The following ZNF385D variants were observed in gnomAD, a reference collection of about 807,000 sequenced individuals.
The protein encoded by ZNF385D is zinc finger protein 659.
In ZNF385D, 15 loss-of-function variants were observed where a neutral mutation model predicts 35.8. The observed-to-expected ratio is 0.42, with a 90% confidence interval of 0.28 to 0.64. The LOEUF (loss-of-function observed/expected upper bound fraction) is 0.64. Ranked by LOEUF, ZNF385D falls within the 30% of genes least tolerant of loss-of-function variation. The probability of loss-of-function intolerance (pLI) is 0.23; values close to 1 mark genes in which losing one functional copy is unlikely to be tolerated. For missense variants in ZNF385D, 474 were observed against 494.6 expected (o/e 0.96, Z 0.39); for synonymous variants, 212 against 186.8 (o/e 1.13, Z -1.10).
intron 3 of ZNF385D, among the ~76,000 whole-genome samples, chr3:22,057,565 T>C (rs912413517): frequency 1.3e-5 from 2 of 151,576 alleles, no homozygotes; most frequent in Non-Finnish European, 2.9e-5. Flanking sequence ...GCTGGAGTGC[T>C]GTGGTGTGAT....
At chr3:22,371,584 T>G (rs1696907005) in intron 2 of ZNF385D, among the ~76,000 whole-genome samples, 1 of 152,190 alleles carries the variant, frequency 6.6e-6, no homozygotes, top group Non-Finnish European at 1.5e-5. Context: ...GATCTGGAAT[T>G]GGGCATTTCA....
At chr3:22,116,422 A>G (rs927768960) in intron 3 of ZNF385D, among the ~76,000 whole-genome samples, 14 of 152,064 alleles carry the variant, frequency 9.2e-5, no homozygotes, top group African/African-American at 3.4e-4. Context: ...CATTACCTGC[A>G]TGAATGAATG....
chr3:22,030,302 T>TAA (rs3047003), intron 3 of ZNF385D, among the ~76,000 whole-genome samples: 1 of 95,922 alleles, frequency 1.0e-5, no homozygotes, highest in African/African-American at 4.0e-5. Context: ...TATATATATA[T>TAA]CCTATTTGGT....
chr3:21,809,285 G>A (rs1463131237), intron 3 of ZNF385D, among the ~76,000 whole-genome samples: 1 of 151,974 alleles, frequency 6.6e-6, no homozygotes, highest in African/African-American at 2.4e-5. Context: ...GAGCTTTCAA[G>A]AATGGAAAAA....
At chr3:21,978,185 T>C (rs529904999) in intron 3 of ZNF385D, 5 of 152,360 alleles carry the variant, frequency 3.3e-5, no homozygotes, top group South Asian at 2.1e-4. Context: ...TGCTGCTTTA[T>C]TGCTCTTTAC....
chr3:22,005,873 A>C (rs879490256), intron 3 of ZNF385D, among the ~76,000 whole-genome samples: 1 of 152,114 alleles, frequency 6.6e-6, no homozygotes, highest in Non-Finnish European at 1.5e-5. Flanking sequence ...TAAAAGGAAC[A>C]GGAAAATATA....
intron 3 of ZNF385D, among the ~76,000 whole-genome samples, chr3:21,999,448 C>G (rs1265362522): frequency 6.6e-6 from 1 of 151,884 alleles, no homozygotes; most frequent in Non-Finnish European, 1.5e-5. Flanking sequence ...TAAAATTCTT[C>G]AAAATTAAGA....
Position 22,215,041 on chromosome 3 carries a change from C to A in ZNF385D, c.107-46006G>T, listed in dbSNP as rs191755742. ...AGACACCCAGCTTTACAATTTCTCT[C>A]TTTTGTACTCTGTCCCTTTATTTCT... is the stretch of plus-strand genomic sequence containing the variant. On this transcript the variant is annotated intron_variant, in intron 2 of 5. Coordinates refer to the ZNF385D transcript ENST00000494108. Among the ~76,000 whole-genome samples, 214 of 152,122 alleles carry A rather than the reference C, an allele frequency of 1.4e-3. 3 individuals carry two copies. Among genetic ancestry groups the A allele is most frequent in the Admixed American group, 5.5e-3 (84 of 15,242 alleles).
At chr3:22,063,899 G>A (rs376640674) in intron 3 of ZNF385D, among the ~76,000 whole-genome samples, 51 of 152,284 alleles carry the variant, frequency 3.3e-4, no homozygotes, top group African/African-American at 1.2e-3. Flanking sequence ...TTGACAGCAG[G>A]ACACCTTGAT....
intron 3 of ZNF385D, among the ~76,000 whole-genome samples, chr3:22,149,635 G>T (rs936609984): frequency 6.6e-6 from 1 of 152,076 alleles, no homozygotes; most frequent in African/African-American, 2.4e-5. Flanking sequence ...TCAACTACTT[G>T]GGTCCATATC....
At chr3:22,299,349 A>G (rs1364757943) in intron 2 of ZNF385D, among the ~76,000 whole-genome samples, 1 of 151,828 alleles carries the variant, frequency 6.6e-6, no homozygotes, top group African/African-American at 2.4e-5. Context: ...TTGTAACTTT[A>G]CTCTAGGCCC....
At chr3:22,018,674 G>C (rs1697030184) in intron 3 of ZNF385D, among the ~76,000 whole-genome samples, 2 of 151,936 alleles carry the variant, frequency 1.3e-5, no homozygotes, top group African/African-American at 2.4e-5. Context: ...CCTCCTCTTT[G>C]TTATGTTGAC....
At chr3:21,699,849 G>C (rs1393683153) in intron 1 of ZNF385D, among the ~76,000 whole-genome samples, 1 of 13,848 alleles carries the variant, frequency 7.2e-5, no homozygotes, top group East Asian at 1.7e-3. Context: ...TTTTTTTTTT[G>C]AGACAAGAGT....
chr3:21,821,634 T>A (rs917852366), intron 3 of ZNF385D, among the ~76,000 whole-genome samples: 1 of 151,952 alleles, frequency 6.6e-6, no homozygotes, highest in Non-Finnish European at 1.5e-5. Flanking sequence ...ACCAGAAAAA[T>A]GTAAATTAAA....
intron 3 of ZNF385D, among the ~76,000 whole-genome samples, chr3:21,893,079 G>A (rs952276324): frequency 7.9e-5 from 12 of 152,230 alleles, no homozygotes; most frequent in African/African-American, 2.6e-4. Flanking sequence ...TAGCCTGAAT[G>A]GTGGCTGTAA....
At chr3:21,816,722 A>T (rs576522014) in intron 3 of ZNF385D, among the ~76,000 whole-genome samples, 1 of 152,144 alleles carries the variant, frequency 6.6e-6, no homozygotes, top group Admixed American at 6.5e-5. Flanking sequence ...ATGCTCATAG[A>T]TAGGAAGAAT....
chr3:22,219,168 A>C (rs1334164910), intron 2 of ZNF385D, among the ~76,000 whole-genome samples: 1 of 152,134 alleles, frequency 6.6e-6, no homozygotes, highest in African/African-American at 2.4e-5. Flanking sequence ...ATATCTTGGA[A>C]CTGACTATGA....
At chr3:22,317,280 CAAAAAAAAAAAA>C (rs59675675) in intron 2 of ZNF385D, among the ~76,000 whole-genome samples, 1 of 26,098 alleles carries the variant, frequency 3.8e-5, no homozygotes, top group Non-Finnish European at 6.6e-5. Flanking sequence ...ACTCCATCTC[CAAAAAAAAAAAA>C]AAAAAAAAAA....
chr3:21,993,324 TTTC>T (rs779684991), intron 3 of ZNF385D, among the ~76,000 whole-genome samples: 10 of 152,190 alleles, frequency 6.6e-5, no homozygotes, highest in Admixed American at 3.9e-4. Context: ...TTTAAAAAAG[TTTC>T]TTATCTTCTC....
Sources: allele counts gnomAD v4.1 joint callset (sites outside exome capture counted in the v4.1 genomes callset), GRCh38; gene constraint gnomAD v4.1.1; transcripts MANE v1.5; gene names NCBI Gene and HGNC (gene_info 2026-07-23, HGNC 2026-07-21).